UBE2U: variants seen among roughly 807,000 people sequenced by gnomAD.
UBE2U encodes ubiquitin conjugating enzyme E2 U, also known as ubiquitin-conjugating enzyme E2 U.
UBE2U carries 39 observed loss-of-function variants against 41.2 expected under a neutral mutation model. That is an observed-to-expected ratio of 0.95 (90% CI 0.73 to 1.24). The LOEUF (loss-of-function observed/expected upper bound fraction) is 1.24. Among genes scored for constraint, UBE2U ranks in the 50% most tolerant of loss-of-function variants. The probability of loss-of-function intolerance (pLI) is 0.00; values close to 1 mark genes in which losing one functional copy is unlikely to be tolerated. For missense variants in UBE2U, 336 were observed against 363.1 expected (o/e 0.93, Z 0.61); for synonymous variants, 107 against 117.8 (o/e 0.91, Z 0.60).
At chr1:64,208,335 A>G (rs1007825069) in intron 3 of UBE2U, among the ~76,000 whole-genome samples, 1 of 152,176 alleles carries the variant, frequency 6.6e-6, no homozygotes, top group African/African-American at 2.4e-5. Flanking sequence ...CACCAGGCTC[A>G]GTGGCTTATG....
chr1:64,247,864 CAAAAAAA>C (rs71056034), intron 8 of UBE2U, among the ~76,000 whole-genome samples: 1 of 127,902 alleles, frequency 7.8e-6, no homozygotes. Context: ...ACCTGTCTCA[CAAAAAAA>C]AAAAAAAAAA....
intron 9 of UBE2U, 37 bp from the exon 10 acceptor site, chr1:64,266,987 T>A: frequency 6.7e-7 from 1 of 1,503,722 alleles, no homozygotes; most frequent in Non-Finnish European, 9.0e-7. Context: ...TCTTATTATG[T>A]CTATTAAATT....
intron 5 of UBE2U, among the ~76,000 whole-genome samples, chr1:64,219,630 G>C (rs1652285368): frequency 6.7e-6 from 1 of 150,044 alleles, no homozygotes; most frequent in Non-Finnish European, 1.5e-5. Context: ...TGTCTCCCAG[G>C]CTGCCAGGCT....
intron 7 of UBE2U, among the ~76,000 whole-genome samples, chr1:64,237,304 G>GAAAA (rs35861714): frequency 1.0e-5 from 1 of 95,796 alleles, no homozygotes; most frequent in South Asian, 3.3e-4. Context: ...ATGTATCATA[G>GAAAA]AAAAAAAAAA....
intron 7 of UBE2U, among the ~76,000 whole-genome samples, chr1:64,234,085 T>C (rs1644621935): frequency 6.6e-6 from 1 of 152,218 alleles, no homozygotes; most frequent in South Asian, 2.1e-4. Flanking sequence ...TTTCATTTGC[T>C]TACAGTCCAG....
In UBE2U at chr1:64,203,943, CTT is replaced by C; in HGVS notation, c.-107_-106del. 1.1e-6 allele frequency: 1 copy of C among 913,234 alleles called. No homozygotes were observed. The highest frequency in any genetic ancestry group is 1.7e-6 in the Non-Finnish European group (1 of 601,198). 56.6% of individuals were successfully genotyped at this position (913,234 alleles called of 1,614,324 possible). ...TTCTGAGGTTCTAGAAAGCAAGTAA[CTT>C]ATATCAGTTTACTAAGTGTGGGAAA... On this transcript the variant is annotated 5_prime_UTR_variant, in exon 1 of 10. Transcript: ENST00000371077.
intron 8 of UBE2U, among the ~76,000 whole-genome samples, chr1:64,257,798 T>C (rs923523957): frequency 3.3e-5 from 5 of 152,040 alleles, no homozygotes; most frequent in African/African-American, 9.7e-5. Context: ...TAAAAAAGAC[T>C]AATTATATGT....
chr1:64,239,157 A>AAGAAGAAGAAGAAGG, intron 7 of UBE2U, among the ~76,000 whole-genome samples: 1 of 37,062 alleles, frequency 2.7e-5, no homozygotes, highest in Admixed American at 3.2e-4. Context: ...GAAGAAGAAG[A>AAGAAGAAGAAGAAGG]AAGAAGAAGA....
intron 7 of UBE2U, among the ~76,000 whole-genome samples, chr1:64,239,157 A>AAAGAAGAAGAAGAAGAAGAAG (rs149062313): frequency 5.9e-4 from 22 of 37,044 alleles, no homozygotes; most frequent in Admixed American, 1.9e-3. Flanking sequence ...GAAGAAGAAG[A>AAAGAAGAAGAAGAAGAAGAAG]AAGAAGAAGA....
chr1:64,248,430 T>G (rs1644956075), intron 8 of UBE2U, among the ~76,000 whole-genome samples: 1 of 152,210 alleles, frequency 6.6e-6, no homozygotes, highest in African/African-American at 2.4e-5. Context: ...GTCAAATTAC[T>G]AATGGAAGGA....
chr1:64,263,765 T>C (rs910068486), intron 9 of UBE2U, among the ~76,000 whole-genome samples: 2 of 152,152 alleles, frequency 1.3e-5, no homozygotes, highest in African/African-American at 2.4e-5. Flanking sequence ...GTTGAGGACA[T>C]TATGCTTGGG....
Position 64,260,702 on chromosome 1 carries a change from G to A in UBE2U, c.769+8G>A, listed in dbSNP as rs746032697. ...AGCTCTGCCCAACTCTAAGTAAATC[G>A]ATTCACTCTATTTGTTTTGCTTTTA... On this transcript the variant is annotated splice_region_variant and intron_variant, in intron 9 of 9. Coordinates refer to ENST00000371077, the MANE Select transcript of UBE2U (RefSeq NM_001366232.2). 3.8e-5 allele frequency: 58 copies of A among 1,543,140 alleles called. No homozygotes were observed. The highest frequency in any genetic ancestry group is 1.4e-4 in the South Asian group (12 of 83,068).
chr1:64,210,714 C>G (rs751908084), intron 3 of UBE2U, 28 bp from the exon 4 acceptor site: 1 of 1,312,032 alleles, frequency 7.6e-7, no homozygotes. Context: ...ATTATAAATG[C>G]AAATATTAAT....
intron 8 of UBE2U, among the ~76,000 whole-genome samples, chr1:64,243,229 C>T (rs1050523114): frequency 3.3e-5 from 5 of 152,056 alleles, no homozygotes; most frequent in Admixed American, 2.0e-4. Flanking sequence ...TGCTTCAAAA[C>T]GCTGGTGTTG....
rs181101964 is a variant in UBE2U at position 64,216,842 on chromosome 1, T to C, written c.457+1910T>C. On this transcript the variant is annotated intron_variant, in intron 5 of 9. Coordinates refer to ENST00000371077, the MANE Select transcript of UBE2U (RefSeq NM_001366232.2). ...GCTCAAACCCAGTGTGGAGGTCTGA[T>C]GACCTTCCCATTTCCTGACAGCCTC... Among the ~76,000 whole-genome samples the C allele has an allele frequency of 3.1e-3, 475 of 152,328 alleles. 2 individuals are homozygous for C. Among genetic ancestry groups the C allele is most frequent in the African/African-American group, 0.011 (443 of 41,582 alleles).
rs1356055767 is a variant in UBE2U at position 64,232,633 on chromosome 1, A to T, written c.579A>T (p.Glu193Asp). 4 of 1,612,802 alleles carry T rather than the reference A, an allele frequency of 2.5e-6. No homozygotes were observed. Among genetic ancestry groups the T allele is most frequent in the Admixed American group, 1.7e-5 (1 of 59,962 alleles). ...WSRIATSKATEYYRTPLLKVP... is the reference protein window; with the variant it reads ...WSRIATSKATDYYRTPLLKVP... ...GAATAGCTACATCAAAAGCCACAGA[A>T]TACTACAGAACTCCATGTAAGGTGA... Residue 193 changes from glutamate (E) to aspartate (D), a missense_variant, in exon 7 of 10, where the codon GAA becomes GAT. Coordinates refer to ENST00000371077, the MANE Select transcript of UBE2U (RefSeq NM_001366232.2).
At chr1:64,240,455 T>C (rs1045566803) in intron 7 of UBE2U, among the ~76,000 whole-genome samples, 5 of 152,076 alleles carry the variant, frequency 3.3e-5, no homozygotes, top group Admixed American at 6.5e-5. Flanking sequence ...CTCACAGCAG[T>C]CAGATTAAGG....
At chr1:64,239,185 A>AAGAAGG in intron 7 of UBE2U, among the ~76,000 whole-genome samples, 1 of 145,804 alleles carries the variant, frequency 6.9e-6, no homozygotes, top group Non-Finnish European at 1.5e-5. Context: ...GAAGAAGAAG[A>AAGAAGG]AGAAGAAAGC....
intron 5 of UBE2U, among the ~76,000 whole-genome samples, chr1:64,220,467 G>A (rs1652368657): frequency 1.3e-5 from 2 of 152,142 alleles, no homozygotes; most frequent in South Asian, 4.2e-4. Context: ...TCTTGCGTGA[G>A]CAGTGGTCAT....
Sources: gnomAD v4.1 joint callset for allele counts (sites outside exome capture counted in the v4.1 genomes callset) on GRCh38, gnomAD v4.1.1 for gene constraint, MANE v1.5 for transcripts, NCBI Gene and HGNC (gene_info 2026-07-23, HGNC 2026-07-21) for gene names.